Variants in MUSK observed in about 807,000 individuals in gnomAD.
MUSK encodes the protein muscle associated receptor tyrosine kinase.
MUSK carries 55 observed loss-of-function variants against 88.7 expected under a neutral mutation model. The observed-to-expected ratio is 0.62, with a 90% confidence interval of 0.50 to 0.78. MUSK has a LOEUF of 0.78. Ranked by LOEUF, MUSK falls within the 30% of genes least tolerant of loss-of-function variation. The pLI, the probability that MUSK is intolerant of heterozygous loss-of-function variation, is 0.00. For missense variants in MUSK, 1,015 were observed against 1,074.3 expected (o/e 0.94, Z 0.77); for synonymous variants, 387 against 391.9 (o/e 0.99, Z 0.15).
chr9:110,691,502 C>T (rs1217555114), intron 3 of MUSK, among the ~76,000 whole-genome samples: 3 of 152,086 alleles, frequency 2.0e-5, no homozygotes, highest in Non-Finnish European at 4.4e-5. Context: ...CCCAATGGGG[C>T]TTTTATTTCC....
In MUSK at chr9:110,806,247, G is replaced by C. The variant is rs2078160892; in HGVS notation, c.*5259G>C. Among the ~76,000 whole-genome samples, 1 of 152,048 alleles carries C rather than the reference G, an allele frequency of 6.6e-6. No individual in the cohort carries two copies. Among genetic ancestry groups the C allele is most frequent in the South Asian group, 2.1e-4 (1 of 4,826 alleles). Reference sequence around the variant, plus strand: ...ACTCCCTTTCTTTTTCCTGAGATATGTTAACTTCTAATGTTATATTGTTTA... The same window carrying C: ...ACTCCCTTTCTTTTTCCTGAGATATCTTAACTTCTAATGTTATATTGTTTA... On this transcript the variant is annotated 3_prime_UTR_variant, in exon 15 of 15. Coordinates refer to ENST00000374448, the MANE Select transcript of MUSK (RefSeq NM_005592.4).
intron 7 of MUSK, among the ~76,000 whole-genome samples, chr9:110,755,983 T>TATATATATACAC (rs1564269147): frequency 2.4e-5 from 3 of 127,048 alleles, no homozygotes; most frequent in South Asian, 2.4e-4. Flanking sequence ...TATATACATA[T>TATATATATACAC]ATATATATAT....
At chr9:110,765,095 G>GT (rs1408923693) in intron 8 of MUSK, among the ~76,000 whole-genome samples, 4 of 151,964 alleles carry the variant, frequency 2.6e-5, no homozygotes, top group African/African-American at 9.7e-5. Context: ...AAAAAAGTGT[G>GT]TTTTGATGTA....
chr9:110,689,211 A>C (rs183849542), intron 3 of MUSK, among the ~76,000 whole-genome samples: 3 of 100,536 alleles, frequency 3.0e-5, no homozygotes, highest in East Asian at 4.9e-4. Context: ...TTCATATTTT[A>C]TATAATATAT....
intron 6 of MUSK, among the ~76,000 whole-genome samples, chr9:110,747,117 G>T (rs1351078097): frequency 6.6e-6 from 1 of 152,176 alleles, no homozygotes; most frequent in Non-Finnish European, 1.5e-5. Flanking sequence ...GTTCAACTGG[G>T]TGGTTTTGCT....
intron 5 of MUSK, among the ~76,000 whole-genome samples, chr9:110,712,521 A>G (rs2076685156): frequency 1.3e-5 from 2 of 152,150 alleles, no homozygotes; most frequent in South Asian, 4.1e-4. Flanking sequence ...GCATCTGGAG[A>G]TCTTACTAAA....
In MUSK at chr9:110,797,173, A is replaced by C. The variant is rs1185649737; in HGVS notation, c.1928-3133A>C. ...AATGCATGAATACCCAAAAAAAAAA[A>C]AAAAAAAAAAAAAAAGAAGGCATTT... On this transcript the variant is annotated intron_variant, in intron 14 of 14. Coordinates refer to ENST00000374448, the MANE Select transcript of MUSK (RefSeq NM_005592.4). 5.0e-5 allele frequency among the ~76,000 whole-genome samples: 7 copies of C among 138,912 alleles called. No homozygotes were observed. The East Asian group carries it at 8.3e-4, about 16-fold the overall frequency. 91.1% of individuals were successfully genotyped at this position (138,912 alleles called of 152,430 possible). A position where few individuals can be genotyped will look rare whatever the true frequency, so the allele number is the denominator to read the frequency against.
chr9:110,687,745 C>T (rs1015503539), intron 3 of MUSK, among the ~76,000 whole-genome samples: 5 of 152,078 alleles, frequency 3.3e-5, no homozygotes, highest in Non-Finnish European at 5.9e-5. Context: ...ATTAATCCCA[C>T]ACCTCTTATG....
intron 11 of MUSK, among the ~76,000 whole-genome samples, chr9:110,779,131 T>C (rs767214860): frequency 1.3e-5 from 2 of 152,022 alleles, no homozygotes; most frequent in African/African-American, 4.8e-5. Flanking sequence ...GTGGTTTGGG[T>C]AATTTTTGTG....
At chr9:110,742,045 G>C (rs901887440) in intron 6 of MUSK, among the ~76,000 whole-genome samples, 1 of 152,120 alleles carries the variant, frequency 6.6e-6, no homozygotes, top group African/African-American at 2.4e-5. Context: ...ACCTCTCTAA[G>C]AACGTTTCAA....
intron 1 of MUSK, among the ~76,000 whole-genome samples, chr9:110,680,011 A>C (rs973919548): frequency 7.2e-5 from 11 of 152,122 alleles, no homozygotes; most frequent in African/African-American, 2.7e-4. Flanking sequence ...ATTGTTTTTT[A>C]TAACTCACCC....
Position 110,787,800 on chromosome 9 carries a change from T to C in MUSK, c.1889T>C (p.Met630Thr). The change falls in exon 14 of 15, where the codon ATG becomes ACG. Residue 630 changes from methionine (M) to threonine (T), a missense_variant. Coordinates refer to ENST00000374448, the MANE Select transcript of MUSK (RefSeq NM_005592.4). ...QADFQREAAL[M>T]AEFDNPNIVK... ...GACTTTCAGAGGGAGGCAGCCCTCATGGCAGAATTTGACAACCCTAACATT... is the reference window on the plus strand; with the variant it reads ...GACTTTCAGAGGGAGGCAGCCCTCACGGCAGAATTTGACAACCCTAACATT... 1 of 1,613,428 alleles carries C rather than the reference T, an allele frequency of 6.2e-7. No homozygotes were observed. Among genetic ancestry groups the C allele is most frequent in the Non-Finnish European group, 8.5e-7 (1 of 1,179,592 alleles).
chr9:110,694,371 G>A (rs1033367444), intron 3 of MUSK, among the ~76,000 whole-genome samples: 9 of 130,254 alleles, frequency 6.9e-5, no homozygotes, highest in African/African-American at 2.6e-4. Flanking sequence ...GGGCGACAGA[G>A]CGAGACTCCG....
At chr9:110,710,319 A>G (rs1451157805) in intron 5 of MUSK, among the ~76,000 whole-genome samples, 4 of 152,162 alleles carry the variant, frequency 2.6e-5, no homozygotes, top group African/African-American at 9.7e-5. Flanking sequence ...CATTTGTGAA[A>G]TGGGGGGTAA....
chr9:110,712,159 G>GGA (rs1554741819), intron 5 of MUSK, among the ~76,000 whole-genome samples: 10 of 141,880 alleles, frequency 7.0e-5, no homozygotes, highest in African/African-American at 2.7e-4. Flanking sequence ...TGTTTATTCT[G>GGA]AAAAAAAAAA....
At chr9:110,701,535 G>A (rs1295060828) in intron 5 of MUSK, among the ~76,000 whole-genome samples, 1 of 151,850 alleles carries the variant, frequency 6.6e-6, no homozygotes, top group Non-Finnish European at 1.5e-5. Flanking sequence ...TGCTCAGGCT[G>A]GAGTGCAATG....
rs1333336708 is a variant in MUSK, at chr9:110,747,680, G to C, written c.793G>C (p.Val265Leu). 6.2e-7 allele frequency: 1 copy of C among 1,613,702 alleles called. No homozygotes were observed. Among genetic ancestry groups the C allele is most frequent in the African/African-American group, 1.3e-5 (1 of 74,902 alleles). ...GSIQESVKDR[V>L]IDSRLQLFIT... is the part of the protein sequence containing the mutation. ...CATTCAAGAGAGTGTGAAAGACCGAGTGATTGACTCAAGACTGCAGCTGTT... is the reference window on the plus strand; with the variant it reads ...CATTCAAGAGAGTGTGAAAGACCGACTGATTGACTCAAGACTGCAGCTGTT... Residue 265 changes from valine (V) to leucine (L), a missense_variant, in exon 7 of 15, where the codon GTG (valine) becomes CTG (leucine). By Grantham distance (32) the Val-to-Leu change is conservative (BLOSUM62 1). Transcript: ENST00000374448.
chr9:110,674,012 T>C (rs534451215), intron 1 of MUSK, among the ~76,000 whole-genome samples: 26 of 152,226 alleles, frequency 1.7e-4, no homozygotes, highest in Non-Finnish European at 2.4e-4. Flanking sequence ...ACGTCATGTG[T>C]GGTGACTAAA....
At chr9:110,669,650 AAC>A (rs2075932248) in intron 1 of MUSK, among the ~76,000 whole-genome samples, 3 of 152,154 alleles carry the variant, frequency 2.0e-5, no homozygotes, top group African/African-American at 7.2e-5. Context: ...CAACTTAAGA[AAC>A]TGACAAACAC....
Sources: allele counts gnomAD v4.1 joint callset (sites outside exome capture counted in the v4.1 genomes callset), GRCh38; gene constraint gnomAD v4.1.1; transcripts MANE v1.5; gene names NCBI Gene and HGNC (gene_info 2026-07-23, HGNC 2026-07-21).